Variants in GRIN2B observed in about 807,000 individuals in gnomAD.
GRIN2B encodes the protein glutamate ionotropic receptor NMDA type subunit 2B.
Under a neutral mutation model 114.5 loss-of-function variants are expected in GRIN2B, and 5 were observed. The observed-to-expected ratio is 0.04, with a 90% CI of 0.02 to 0.09. The LOEUF is 0.09. Among genes scored for constraint, GRIN2B ranks in the 10% least tolerant of loss-of-function variants. The pLI is 1.00. For missense variants in GRIN2B, 1,108 were observed against 1,943.5 expected (o/e 0.57, Z 8.08); for synonymous variants, 787 against 745.1 (o/e 1.06, Z -0.92).
At chr12:13,614,016 C>CAAAAAAAAAAAAAAAAAA in intron 8 of GRIN2B, among the ~76,000 whole-genome samples, 1 of 92,900 alleles carries the variant, frequency 1.1e-5, no homozygotes, top group Non-Finnish European at 2.1e-5. Flanking sequence ...CCTTGCACAG[C>CAAAAAAAAAAAAAAAAAA]AAAAAAAAAA....
intron 5 of GRIN2B, among the ~76,000 whole-genome samples, chr12:13,623,546 G>A (rs1949538728): frequency 6.6e-6 from 1 of 152,190 alleles, no homozygotes; most frequent in African/African-American, 2.4e-5. Context: ...CTCACAGTGA[G>A]CGCAAGCACC....
chr12:13,633,575 T>C (rs1253122820), intron 5 of GRIN2B, among the ~76,000 whole-genome samples: 1 of 152,202 alleles, frequency 6.6e-6, no homozygotes, highest in African/African-American at 2.4e-5. Context: ...AGGTATCGCC[T>C]GCCTGACCTG....
At chr12:13,570,727 C>G (rs1033859253) in intron 11 of GRIN2B, among the ~76,000 whole-genome samples, 6 of 152,118 alleles carry the variant, frequency 3.9e-5, no homozygotes, top group Non-Finnish European at 8.8e-5. Flanking sequence ...GGCGTAGGGG[C>G]AGGAAGGCAT....
rs1948504905 is a variant in GRIN2B, at chr12:13,558,818, A to T, written c.*3965T>A. On this transcript the variant is annotated 3_prime_UTR_variant, in exon 14 of 14. Coordinates refer to ENST00000609686, the MANE Select transcript of GRIN2B (RefSeq NM_000834.5). The stretch of plus-strand genomic sequence containing the variant: ...AAATAACAAAGTCCACTGTACATGC[A>T]TCACTTTGAAGGGTGTGCAAAGTCT... The T allele has an allele frequency of 6.6e-6, 1 of 152,270 alleles. No individual in the cohort carries two copies. Among genetic ancestry groups the T allele is most frequent in the African/African-American group, 2.4e-5 (1 of 41,466 alleles). 9.4% of individuals were successfully genotyped at this position (152,270 alleles called of 1,614,324 possible). A position where few individuals can be genotyped will look rare whatever the true frequency, so the allele number is the denominator to read the frequency against.
chr12:13,665,145 GTT>G, intron 5 of GRIN2B, among the ~76,000 whole-genome samples: 1 of 96,672 alleles, frequency 1.0e-5, no homozygotes, highest in African/African-American at 3.7e-5. Context: ...GTGTGTGTGT[GTT>G]TGTGTGTGTG....
At chr12:13,695,832 G>A (rs1950254686) in intron 4 of GRIN2B, among the ~76,000 whole-genome samples, 1 of 152,102 alleles carries the variant, frequency 6.6e-6, no homozygotes, top group African/African-American at 2.4e-5. Context: ...GTAGATAAGG[G>A]AAACAATGCA....
intron 4 of GRIN2B, among the ~76,000 whole-genome samples, chr12:13,731,006 C>T (rs917239703): frequency 6.6e-6 from 1 of 152,176 alleles, no homozygotes; most frequent in African/African-American, 2.4e-5. Flanking sequence ...CTTCACTGAA[C>T]ACTGTGGCTC....
At chr12:13,846,841 T>C (rs1287535320) in intron 3 of GRIN2B, among the ~76,000 whole-genome samples, 2 of 151,550 alleles carry the variant, frequency 1.3e-5, no homozygotes, top group African/African-American at 4.9e-5. Flanking sequence ...AGCACAAAAT[T>C]GGGAGAAAGG....
intron 2 of GRIN2B, among the ~76,000 whole-genome samples, chr12:13,911,575 G>A (rs566954948): frequency 3.9e-5 from 6 of 152,228 alleles, no homozygotes; most frequent in African/African-American, 1.4e-4. Context: ...TGTCTTTCTG[G>A]TGGGTCCCTT....
chr12:13,841,876 A>G (rs1285231292), intron 3 of GRIN2B, among the ~76,000 whole-genome samples: 1 of 152,076 alleles, frequency 6.6e-6, no homozygotes, highest in East Asian at 1.9e-4. Flanking sequence ...TGTTTTTTTA[A>G]AAAAAATATG....
intron 2 of GRIN2B, among the ~76,000 whole-genome samples, chr12:13,913,945 T>C (rs1398785582): frequency 6.6e-6 from 1 of 152,240 alleles, no homozygotes; most frequent in African/African-American, 2.4e-5. Context: ...AAATGCTTAG[T>C]GCAGTGTCTG....
At chr12:13,611,591 A>T in intron 9 of GRIN2B, 134 bp downstream of exon 9, 1 of 900,766 alleles carries the variant, frequency 1.1e-6, no homozygotes, top group Non-Finnish European at 1.9e-6. Context: ...CTGGTGACTT[A>T]GAAATGTTCA....
At chr12:13,876,208 C>T (rs144832786) in intron 2 of GRIN2B, among the ~76,000 whole-genome samples, 1,841 of 152,120 alleles carry the variant, frequency 0.012, 19 homozygotes, top group Middle Eastern at 0.037. Flanking sequence ...TTATCTTGGG[C>T]GGGGGAAGGA....
At chr12:13,734,173 G>A (rs756360611) in intron 4 of GRIN2B, among the ~76,000 whole-genome samples, 1 of 152,154 alleles carries the variant, frequency 6.6e-6, no homozygotes, top group East Asian at 1.9e-4. Context: ...TAAAATGACC[G>A]AAATGATACT....
intron 5 of GRIN2B, among the ~76,000 whole-genome samples, chr12:13,632,505 A>T (rs1949624645): frequency 6.6e-6 from 1 of 152,214 alleles, no homozygotes; most frequent in African/African-American, 2.4e-5. Context: ...TCCACAGTTA[A>T]CTTTTCACAG....
intron 2 of GRIN2B, among the ~76,000 whole-genome samples, chr12:13,887,108 T>C (rs537859762): frequency 6.6e-6 from 1 of 152,290 alleles, no homozygotes; most frequent in South Asian, 2.1e-4. Context: ...TCCTCTCAGA[T>C]GTTAACATAG....
chr12:13,718,212 T>C (rs1950474704), intron 4 of GRIN2B, among the ~76,000 whole-genome samples: 2 of 151,976 alleles, frequency 1.3e-5, no homozygotes, highest in South Asian at 2.1e-4. Context: ...CATGTAATTC[T>C]CCAGAAGAAC....
intron 3 of GRIN2B, among the ~76,000 whole-genome samples, chr12:13,860,766 A>G (rs1482499872): frequency 6.6e-6 from 1 of 152,210 alleles, no homozygotes; most frequent in African/African-American, 2.4e-5. Flanking sequence ...CAACATGTCT[A>G]TTTCCAGATC....
intron 3 of GRIN2B, among the ~76,000 whole-genome samples, chr12:13,860,229 C>T (rs1865730646): frequency 6.6e-6 from 1 of 152,160 alleles, no homozygotes; most frequent in Non-Finnish European, 1.5e-5. Context: ...AAGAGTAGGG[C>T]CATCTTCCTA....
Sources: gnomAD v4.1 joint callset for allele counts (sites outside exome capture counted in the v4.1 genomes callset) on GRCh38, gnomAD v4.1.1 for gene constraint, MANE v1.5 for transcripts, NCBI Gene and HGNC (gene_info 2026-07-23, HGNC 2026-07-21) for gene names.